ADSS1: variants seen among roughly 807,000 people sequenced by gnomAD.
ADSS1 encodes the protein adenylosuccinate synthase 1, also known as adenylosuccinate synthetase isozyme 1.
In ADSS1, 57 loss-of-function variants were observed where a neutral mutation model predicts 59.1. The observed-to-expected ratio is 0.97, with a 90% CI of 0.78 to 1.20. ADSS1 has a LOEUF of 1.20. Among genes scored for constraint, ADSS1 ranks in the 50% most tolerant of loss-of-function variants. The pLI is 0.00. For missense variants in ADSS1, 603 were observed against 610.3 expected (o/e 0.99, Z 0.13); for synonymous variants, 247 against 249.4 (o/e 0.99, Z 0.09).
At chr14:104,738,482 G>T (rs753571697) in intron 3 of ADSS1, 44 bp downstream of exon 3, 1 of 1,603,184 alleles carries the variant, frequency 6.2e-7, no homozygotes, top group Admixed American at 1.7e-5. Flanking sequence ...CAGACGCGGT[G>T]CCCTGAGCGG....
At chr14:104,743,403 TC>T in intron 10 of ADSS1, 1 of 620,644 alleles carries the variant, frequency 1.6e-6, no homozygotes, top group Non-Finnish European at 2.7e-6. Flanking sequence ...GAGCACAAAC[TC>T]CCACCCCAGG....
Position 104,724,449 on chromosome 14 carries a change from T to C in ADSS1, c.179T>C (p.Ile60Thr), listed in dbSNP as rs1208710270. 3.2e-6 allele frequency: 4 copies of C among 1,253,560 alleles called. No individual in the cohort carries two copies. In the South Asian group the frequency reaches 1.6e-4, roughly 50 times the overall value. 77.7% of individuals were successfully genotyped at this position (1,253,560 alleles called of 1,614,324 possible). A position where few individuals can be genotyped will look rare whatever the true frequency, so the allele number is the denominator to read the frequency against. ...CTGCTGGCCACGGACGCCGACATCA[T>C]CAGCCGCTGCCAGGTGCGGGCTGGG... ...VDLLATDADI[I>T]SRCQGGNNAG... Residue 60 changes from isoleucine to threonine, a missense_variant, in exon 1 of 13, where the codon ATC becomes ACC. Coordinates refer to ENST00000330877, the MANE Select transcript of ADSS1 (RefSeq NM_152328.5).
intron 7 of ADSS1, 78 bp from the exon 8 acceptor site, chr14:104,741,039 C>T: frequency 6.3e-7 from 1 of 1,590,436 alleles, no homozygotes; most frequent in Non-Finnish European, 8.6e-7. Context: ...TTGTTATGGG[C>T]TGGCCAACCT....
At chr14:104,738,869 C>G (rs186826440) in intron 3 of ADSS1, among the ~76,000 whole-genome samples, 3 of 152,322 alleles carry the variant, frequency 2.0e-5, no homozygotes, top group Admixed American at 2.0e-4. Context: ...CGGACGGCAG[C>G]CTGAGTGGGT....
intron 2 of ADSS1, among the ~76,000 whole-genome samples, chr14:104,735,443 T>G (rs1891085375): frequency 6.6e-6 from 1 of 152,254 alleles, no homozygotes; most frequent in South Asian, 2.1e-4. Flanking sequence ...TGTGTGGGCA[T>G]GGAGACCACA....
intron 3 of ADSS1, among the ~76,000 whole-genome samples, 171 bp from the exon 4 acceptor site, chr14:104,739,154 GACA>G (rs59553104): frequency 0.048 from 7,249 of 152,150 alleles, 579 homozygotes; most frequent in African/African-American, 0.17. Context: ...CTGGGGAGGA[GACA>G]ACGAGGGGCG....
chr14:104,729,688 G>A (rs1890837137), intron 1 of ADSS1: 1 of 117,466 alleles, frequency 8.5e-6, no homozygotes, highest in Non-Finnish European at 1.4e-5. Context: ...TGGCGTCGGC[G>A]TCGTGGGGAG....
chr14:104,745,511 C>T (rs1364060688), intron 11 of ADSS1: 1 of 153,136 alleles, frequency 6.5e-6, no homozygotes, highest in Non-Finnish European at 1.5e-5. Flanking sequence ...ACAATGGCTT[C>T]CTCCTCAGCA....
In ADSS1 at chr14:104,735,037, C is replaced by T; in HGVS notation, c.210C>T (p.Gly70=). 6.2e-7 allele frequency: 1 copy of T among 1,613,308 alleles called. No individual in the cohort carries two copies. The highest frequency in any genetic ancestry group is 2.2e-5 in the East Asian group (1 of 44,846). Residue 70 remains glycine (G), a synonymous_variant, in exon 2 of 13, where the codon GGC becomes GGT. Coordinates refer to ENST00000330877, the MANE Select transcript of ADSS1 (RefSeq NM_152328.5). ...TGTTCCAGGGGGGCAACAACGCCGG[C>T]CACACGGTGGTGGTGGATGGGAAAG... ...ISRCQGGNNA[G]HTVVVDGKEY...
chr14:104,744,930 G>A (rs747394057), intron 11 of ADSS1, 21 bp downstream of exon 11: 36 of 1,609,232 alleles, frequency 2.2e-5, no homozygotes, highest in South Asian at 5.5e-5. Flanking sequence ...TGGGGCAACC[G>A]TTCTGCCTGT....
At chr14:104,738,134 T>A in intron 2 of ADSS1, 1 of 352,352 alleles carries the variant, frequency 2.8e-6, no homozygotes. Context: ...GTAGCTGAGA[T>A]TACAGGCATG....
chr14:104,739,885 G>A (rs1361866473), intron 5 of ADSS1, 69 bp downstream of exon 5: 31 of 1,544,232 alleles, frequency 2.0e-5, no homozygotes, highest in South Asian at 1.0e-4. Context: ...ACTGTGGGGC[G>A]TGTCTGGTCC....
intron 1 of ADSS1, among the ~76,000 whole-genome samples, chr14:104,729,154 G>C (rs1247694659): frequency 6.6e-6 from 1 of 152,188 alleles, no homozygotes; most frequent in Non-Finnish European, 1.5e-5. Context: ...GCTGTGGCCA[G>C]AGGAGTCATC....
In ADSS1 at chr14:104,740,966, G is replaced by A. The variant is rs755859136; in HGVS notation, c.666+46G>A. ...TGGGGGCTGCGGAAGTGCTCCTCCA[G>A]GGAGGCTGGATGTCCTACCTGGTGC... On this transcript the variant is annotated intron_variant, in intron 7 of 12. Coordinates refer to ENST00000330877, the MANE Select transcript of ADSS1 (RefSeq NM_152328.5). This position sits in a 1 kb window ranked among gnomAD's most constrained non-coding sequence, Gnocchi z 4.8. 1.9e-6 allele frequency: 3 copies of A among 1,612,790 alleles called. No individual in the cohort carries two copies. The South Asian group carries it at 3.3e-5, about 18-fold the overall frequency.
intron 2 of ADSS1, 43 bp from the exon 3 acceptor site, chr14:104,738,333 C>T (rs1270117782): frequency 6.2e-7 from 1 of 1,605,732 alleles, no homozygotes; most frequent in Non-Finnish European, 8.5e-7. Flanking sequence ...TTTCCAGTGT[C>T]TGGGACACAA....
intron 1 of ADSS1, 64 bp from the exon 2 acceptor site, chr14:104,734,956 C>A: frequency 1.4e-6 from 2 of 1,423,448 alleles, no homozygotes; most frequent in South Asian, 2.4e-5. Flanking sequence ...CCATGTGGGT[C>A]AGTCCATGTC....
At chr14:104,730,339 A>C in intron 1 of ADSS1, 2 of 1,101,340 alleles carry the variant, frequency 1.8e-6, no homozygotes, top group Non-Finnish European at 2.5e-6. Flanking sequence ...AAAATACAAA[A>C]ATTATCTGGG....
chr14:104,739,744 C>CTCACCT lies in ADSS1; in HGVS notation c.410-6_410-5insTCACCT. 1 of 1,613,862 alleles carries CTCACCT rather than the reference C, an allele frequency of 6.2e-7. No individual in the cohort carries two copies. The highest frequency in any genetic ancestry group is 1.1e-5 in the South Asian group (1 of 91,072). On this transcript the variant is annotated splice_region_variant and splice_polypyrimidine_tract_variant and intron_variant, in intron 4 of 12. Transcript: ENST00000330877. ...TCCTGCTGCCCTCACCTGGCCCGCC[C>CTCACCT]GACAGTGTTTGATTTTCACCAGGCT...
At chr14:104,725,479 A>G (rs1256429076) in intron 1 of ADSS1, among the ~76,000 whole-genome samples, 1 of 150,740 alleles carries the variant, frequency 6.6e-6, no homozygotes. Context: ...CTGGGGCCCA[A>G]GACGAAGGGA....
Sources: gnomAD v4.1 joint callset for allele counts (sites outside exome capture counted in the v4.1 genomes callset) on GRCh38, gnomAD v4.1.1 for gene constraint, Gnocchi (gnomAD v3.1) non-coding constraint, MANE v1.5 for transcripts, NCBI Gene and HGNC (gene_info 2026-07-23, HGNC 2026-07-21) for gene names.